FBXL2: variants seen among roughly 807,000 people sequenced by gnomAD.
FBXL2 encodes F-box/LRR-repeat protein 2.
Under a neutral mutation model 69.2 loss-of-function variants are expected in FBXL2, and 38 were observed. The observed-to-expected ratio is 0.55, with a 90% CI of 0.42 to 0.72. FBXL2 has a LOEUF of 0.72. Among genes scored for constraint, FBXL2 ranks in the 30% least tolerant of loss-of-function variants. The probability of loss-of-function intolerance (pLI) is 0.00; values close to 1 mark genes in which losing one functional copy is unlikely to be tolerated. For missense variants in FBXL2, 354 were observed against 520.3 expected, an observed-to-expected ratio of 0.68 and a Z score of 3.11; for synonymous variants, 192 against 201.3, an observed-to-expected ratio of 0.95 and a Z score of 0.39.
chr3:33,302,964 A>G (rs2036411871), intron 2 of FBXL2: 1 of 327,354 alleles, frequency 3.1e-6, no homozygotes, highest in Non-Finnish European at 6.3e-6. Flanking sequence ...TGGAATCATT[A>G]AGATATAGCC....
At position 33,297,735 on chromosome 3, in the gene FBXL2, G is replaced by GAT; in HGVS notation, c.65+12_65+13dup. 6.7e-7 allele frequency: 1 copy of GAT among 1,486,330 alleles called. No homozygotes were observed. The highest frequency in any genetic ancestry group is 1.8e-5 in the Admixed American group (1 of 54,380). The allele number at this position is 1,486,330 out of a possible 1,614,324, so 92.1% of individuals were successfully genotyped here. ...AAGAACTTCTGTTAAGGTAAATGTAGATAAATTCTGGATGAAGAGTTTAGA... is the reference window on the plus strand; with the variant it reads ...AAGAACTTCTGTTAAGGTAAATGTAGATATAAATTCTGGATGAAGAGTTTAGA... On this transcript the variant is annotated intron_variant, in intron 2 of 14. Coordinates refer to ENST00000484457, the MANE Select transcript of FBXL2 (RefSeq NM_012157.5).
intron 2 of FBXL2, among the ~76,000 whole-genome samples, chr3:33,332,479 G>A (rs2039243168): frequency 6.6e-6 from 1 of 152,160 alleles, no homozygotes; most frequent in South Asian, 2.1e-4. Flanking sequence ...ACACAAATAT[G>A]CATAGCAGTA....
chr3:33,420,010 T>C, the FBXL2 span, among the ~76,000 whole-genome samples: 88 of 152,312 alleles, frequency 5.8e-4, no homozygotes, highest in South Asian at 3.5e-3. Context: ...TTGAAAAATA[T>C]AACTGTTGTG....
At chr3:33,327,564 G>T (rs1005507111) in intron 2 of FBXL2, among the ~76,000 whole-genome samples, 3 of 151,930 alleles carry the variant, frequency 2.0e-5, no homozygotes, top group African/African-American at 7.3e-5. Flanking sequence ...CTAATCAAAA[G>T]TCAACTAGCT....
At chr3:33,408,620 G>A, downstream of FBXL2, 1 of 1,281,794 alleles carries the variant, frequency 7.8e-7, no homozygotes, top group Non-Finnish European at 1.1e-6. Flanking sequence ...CTTTGCGGTG[G>A]AAGTTGGTCC....
chr3:33,409,417 T>G, the FBXL2 span: 12 of 1,613,820 alleles, frequency 7.4e-6, no homozygotes, highest in East Asian at 6.7e-5. Context: ...AACTGAGCCT[T>G]AATTACAGAA....
chr3:33,297,042 T>G (rs2035813857), intron 1 of FBXL2, among the ~76,000 whole-genome samples: 1 of 152,174 alleles, frequency 6.6e-6, no homozygotes, highest in Non-Finnish European at 1.5e-5. Context: ...GTCTTTTGAT[T>G]TATTTAAGCC....
At chr3:33,340,920 G>A (rs200848598) in intron 2 of FBXL2, among the ~76,000 whole-genome samples, 55 of 107,234 alleles carry the variant, frequency 5.1e-4, no homozygotes, top group South Asian at 1.5e-3. Context: ...AAAAAAAAAA[G>A]AAGAGGAAGT....
At chr3:33,308,382 C>T (rs969683711) in intron 2 of FBXL2, among the ~76,000 whole-genome samples, 2 of 152,172 alleles carry the variant, frequency 1.3e-5, no homozygotes, top group East Asian at 1.9e-4. Context: ...ATTTTCAGTA[C>T]ACTGAATTTA....
chr3:33,377,061 A>G (rs2042687296), intron 10 of FBXL2, among the ~76,000 whole-genome samples: 1 of 152,146 alleles, frequency 6.6e-6, no homozygotes, highest in African/African-American at 2.4e-5. Context: ...TTTAAAAACA[A>G]CATGCTGGTA....
intron 2 of FBXL2, among the ~76,000 whole-genome samples, chr3:33,320,543 G>T (rs551376353): frequency 6.6e-6 from 1 of 151,274 alleles, no homozygotes; most frequent in South Asian, 2.1e-4. Flanking sequence ...GTGGAGTGGC[G>T]CAATCTCAGC....
intron 2 of FBXL2, among the ~76,000 whole-genome samples, chr3:33,339,491 C>A (rs185112624): frequency 1.4e-4 from 22 of 152,232 alleles, no homozygotes; most frequent in Non-Finnish European, 2.5e-4. Flanking sequence ...TAAGTGAGAA[C>A]TAAACATTGA....
chr3:33,303,016 G>C, intron 2 of FBXL2: 10 of 456,404 alleles, frequency 2.2e-5, no homozygotes, highest in South Asian at 1.2e-4. Context: ...ACAGTAAAGG[G>C]CTCATTCCTG....
chr3:33,385,581 A>G lies in FBXL2; in HGVS notation c.1245A>G (p.Arg415=). The stretch of plus-strand genomic sequence containing the variant: ...CAGCAGTGGCAGGAAGTGGACAGCG[A>G]CTGTGCAGGTGCTGTGTCATTCTCT... The part of the protein sequence containing the change: ...PPTAVAGSGQ[R]LCRCCVIL Residue 415 remains arginine, a synonymous_variant, in exon 15 of 15, where the codon CGA becomes CGG. Transcript: ENST00000484457. The G allele has an allele frequency of 6.2e-7, 1 of 1,613,882 alleles. No homozygotes were observed. Among genetic ancestry groups the G allele is most frequent in the Non-Finnish European group, 8.5e-7 (1 of 1,179,954 alleles).
chr3:33,290,841 G>T (rs1277831841), intron 1 of FBXL2, among the ~76,000 whole-genome samples: 1 of 145,630 alleles, frequency 6.9e-6, no homozygotes, highest in African/African-American at 2.4e-5. Flanking sequence ...AATCTTAAAA[G>T]GAGGTAGAAA....
At chr3:33,411,323 T>C in the FBXL2 span, among the ~76,000 whole-genome samples, 5 of 152,272 alleles carry the variant, frequency 3.3e-5, no homozygotes, top group South Asian at 4.1e-4. Flanking sequence ...TCATGAAAAA[T>C]AGACATTTTC....
chr3:33,307,722 A>G (rs75763776), intron 2 of FBXL2, among the ~76,000 whole-genome samples: 2,919 of 152,106 alleles, frequency 0.019, 88 homozygotes, highest in African/African-American at 0.066. Flanking sequence ...ATATGTAGAG[A>G]AAACGATAAT....
At chr3:33,282,621 T>G (rs1248273597) in intron 1 of FBXL2, among the ~76,000 whole-genome samples, 2 of 152,246 alleles carry the variant, frequency 1.3e-5, no homozygotes, top group African/African-American at 4.8e-5. Context: ...GCATTGAATC[T>G]GTAAATTACC....
intron 2 of FBXL2, among the ~76,000 whole-genome samples, chr3:33,306,771 G>C (rs1454019143): frequency 6.6e-6 from 1 of 152,076 alleles, no homozygotes; most frequent in African/African-American, 2.4e-5. Context: ...ACTTTCTGTG[G>C]TGCTGTATTT....
Sources: gnomAD v4.1 joint callset for allele counts (sites outside exome capture counted in the v4.1 genomes callset) on GRCh38, gnomAD v4.1.1 for gene constraint, MANE v1.5 for transcripts, NCBI Gene and HGNC (gene_info 2026-07-23, HGNC 2026-07-21) for gene names.